Variants in LRBA observed in about 807,000 individuals in gnomAD.
LRBA encodes the protein lipopolysaccharide-responsive and beige-like anchor protein.
LRBA carries 176 observed loss-of-function variants against 330.0 expected under a neutral mutation model. The ratio of observed to expected loss-of-function variants is 0.53; its 90% CI spans 0.47 to 0.60. LRBA has a LOEUF of 0.60. Among genes scored for constraint, LRBA ranks in the 20% least tolerant of loss-of-function variants. LRBA has a pLI of 0.00. For synonymous variants in LRBA, 1,230 were observed against 1,193.0 expected, an observed-to-expected ratio of 1.03 and a Z score of -0.64; for missense variants, 3,259 against 3,444.8, an observed-to-expected ratio of 0.95 and a Z score of 1.35.
rs185903821 is a variant in LRBA, at chr4:150,546,459, C to T, written c.6330+41589G>A. Among the ~76,000 whole-genome samples the T allele has an allele frequency of 8.5e-5, 13 of 152,162 alleles. 1 individual carries two copies. Among genetic ancestry groups the T allele is most frequent in the Non-Finnish European group, 1.3e-4 (9 of 68,026 alleles). On this transcript the variant is annotated intron_variant, in intron 40 of 56. Coordinates refer to ENST00000651943, the MANE Select transcript of LRBA (RefSeq NM_001364905.1). ...CACTAAGCCTGCATTTACCATAATA[C>T]GGATTAAACTTTCTTTGTCCCATTG...
At chr4:150,445,377 C>CTCTCTCTCTCTCTCTCTA (rs1454079183) in intron 44 of LRBA, among the ~76,000 whole-genome samples, 2 of 78,604 alleles carry the variant, frequency 2.5e-5, no homozygotes, top group Non-Finnish European at 5.0e-5. Flanking sequence ...CTCTCTCTCT[C>CTCTCTCTCTCTCTCTCTA]TATATATATA....
chr4:150,930,412 A>C (rs1049134405), intron 2 of LRBA, among the ~76,000 whole-genome samples: 2 of 152,044 alleles, frequency 1.3e-5, no homozygotes, highest in African/African-American at 4.8e-5. Flanking sequence ...AGAATCACTT[A>C]AACCTGGGAG....
At chr4:150,581,428 A>T (rs1771315721) in intron 40 of LRBA, 1 of 366,612 alleles carries the variant, frequency 2.7e-6, no homozygotes, top group Admixed American at 3.6e-5. Context: ...AAGGAGGAAA[A>T]AACCTGGAAA....
chr4:150,738,494 G>T (rs891538316), intron 35 of LRBA, among the ~76,000 whole-genome samples: 2 of 152,008 alleles, frequency 1.3e-5, no homozygotes, highest in Non-Finnish European at 2.9e-5. Context: ...TCACAAGGAT[G>T]AAAAATAATA....
chr4:150,472,207 G>A (rs1756214271), intron 42 of LRBA, among the ~76,000 whole-genome samples: 1 of 151,822 alleles, frequency 6.6e-6, no homozygotes. Context: ...AAACTATTTG[G>A]GCGTCTGTTC....
At chr4:150,333,534 C>G (rs775159948) in intron 48 of LRBA, among the ~76,000 whole-genome samples, 2 of 152,130 alleles carry the variant, frequency 1.3e-5, no homozygotes, top group Non-Finnish European at 2.9e-5. Context: ...TCCAACAAGA[C>G]TTCATAGATT....
At chr4:150,507,373 A>C (rs1002064861) in intron 40 of LRBA, among the ~76,000 whole-genome samples, 12 of 152,200 alleles carry the variant, frequency 7.9e-5, no homozygotes, top group African/African-American at 2.9e-4. Flanking sequence ...CTGGTATCAA[A>C]ACAGAGATAT....
In LRBA at chr4:150,851,951, A is replaced by G; in HGVS notation, c.3759T>C (p.Thr1253=). The change falls in exon 23 of 57, where the codon ACT becomes ACC. Residue 1253 remains threonine, a synonymous_variant. Transcript: ENST00000651943. ...KLDVSNVATD[T]ERLELKASPN... ...GACTGGCCTTCAACTCCAGCCTCTC[A>G]GTATCTGTAGCAACATTGGAAACAT... The G allele has an allele frequency of 6.2e-7, 1 of 1,614,162 alleles. No individual in the cohort carries two copies. Among genetic ancestry groups the G allele is most frequent in the Non-Finnish European group, 8.5e-7 (1 of 1,180,004 alleles).
Position 150,806,264 on chromosome 4 carries a change from C to T in LRBA, c.5518+7G>A, listed in dbSNP as rs768200838. 2.6e-6 allele frequency: 4 copies of T among 1,540,592 alleles called. No individual in the cohort carries two copies. Among genetic ancestry groups the T allele is most frequent in the Non-Finnish European group, 3.5e-6 (4 of 1,148,594 alleles). On this transcript the variant is annotated splice_region_variant and intron_variant, in intron 33 of 56. Transcript: ENST00000651943. ...ACATACAAATAAAATAAAGAAAAAC[C>T]ACTTACTTGTTCCTTCTATAAGCAG...
At chr4:150,997,522 CTAAA>C (rs1742798666) in intron 2 of LRBA, among the ~76,000 whole-genome samples, 1 of 151,926 alleles carries the variant, frequency 6.6e-6, no homozygotes, top group Non-Finnish European at 1.5e-5. Flanking sequence ...TGTATTCAAT[CTAAA>C]TGACTAAGAA....
intron 34 of LRBA, among the ~76,000 whole-genome samples, chr4:150,775,306 A>G (rs1257834087): frequency 6.6e-6 from 1 of 152,178 alleles, no homozygotes; most frequent in Non-Finnish European, 1.5e-5. Context: ...AATCTACTCC[A>G]AAGTTCCAAT....
chr4:150,376,171 C>A (rs541594013), intron 47 of LRBA, among the ~76,000 whole-genome samples: 14 of 152,160 alleles, frequency 9.2e-5, no homozygotes, highest in African/African-American at 2.6e-4. Context: ...GTAATGCAAC[C>A]CCCACACTGT....
chr4:150,469,223 A>T (rs1237517265), intron 43 of LRBA, among the ~76,000 whole-genome samples: 3 of 152,128 alleles, frequency 2.0e-5, no homozygotes, highest in Admixed American at 2.0e-4. Flanking sequence ...ATTGAATATC[A>T]ACTGATGGCC....
chr4:150,638,685 T>C (rs1170294809), intron 37 of LRBA, among the ~76,000 whole-genome samples: 10 of 146,020 alleles, frequency 6.8e-5, no homozygotes, highest in Non-Finnish European at 6.0e-5. Flanking sequence ...ATGGTGATCA[T>C]TAAAAAGTCA....
intron 37 of LRBA, among the ~76,000 whole-genome samples, chr4:150,675,846 C>CTA (rs941316684): frequency 7.9e-5 from 12 of 152,096 alleles, no homozygotes; most frequent in African/African-American, 2.7e-4. Flanking sequence ...ATTTAAAATA[C>CTA]TAGCATATCT....
chr4:150,762,110 A>C (rs1735173246), intron 34 of LRBA, among the ~76,000 whole-genome samples: 1 of 151,956 alleles, frequency 6.6e-6, no homozygotes, highest in Admixed American at 6.6e-5. Context: ...AATTTATCTG[A>C]AATAGTTGGG....
intron 47 of LRBA, among the ~76,000 whole-genome samples, chr4:150,393,107 C>T (rs1276645646): frequency 3.9e-5 from 6 of 152,076 alleles, no homozygotes; most frequent in African/African-American, 1.4e-4. Context: ...TATCCTCATT[C>T]TCTGAATGAA....
At chr4:150,275,629 C>A (rs974425048) in intron 56 of LRBA, among the ~76,000 whole-genome samples, 2 of 152,174 alleles carry the variant, frequency 1.3e-5, no homozygotes, top group East Asian at 3.9e-4. Context: ...CATTCCTATA[C>A]ACCAATAACA....
At chr4:150,750,914 A>T (rs1407677478) in intron 35 of LRBA, among the ~76,000 whole-genome samples, 8 of 100,738 alleles carry the variant, frequency 7.9e-5, no homozygotes, top group African/African-American at 1.6e-4. Flanking sequence ...AAAAATCTTT[A>T]AAAAAAAAAA....
Sources: allele counts gnomAD v4.1 joint callset (sites outside exome capture counted in the v4.1 genomes callset), GRCh38; gene constraint gnomAD v4.1.1; transcripts MANE v1.5; gene names NCBI Gene and HGNC (gene_info 2026-07-23, HGNC 2026-07-21).